Variants in MAFA observed in about 807,000 individuals in gnomAD.
MAFA encodes MAF bZIP transcription factor A.
For synonymous variants in MAFA, 244 were observed against 260.3 expected (o/e 0.94, Z 0.60); for missense variants, 547 against 538.0 (o/e 1.02, Z -0.16).
chr8:143,429,636 C>A lies in MAFA; in HGVS notation c.771G>T (p.Gln257His), dbSNP rs1367121391. ...FSKEEVIRLKQKRRTLKNRGY... is the reference protein window; with the variant it reads ...FSKEEVIRLKHKRRTLKNRGY... ...CGCGGTTCTTGAGCGTGCGCCGCTT[C>A]TGCTTGAGCCGGATGACCTCCTCCT... Residue 257 changes from glutamine (Q) to histidine (H), a missense_variant, in exon 1 of 1, where the codon CAG (glutamine) becomes CAT (histidine). Physicochemically the swap from Gln to His is conservative, Grantham distance 24. Coordinates refer to ENST00000333480, the MANE Select transcript of MAFA (RefSeq NM_201589.4). This position sits in a 1 kb window ranked among gnomAD's most constrained non-coding sequence, Gnocchi z 5.9. The A allele has an allele frequency of 6.3e-7, 1 of 1,590,534 alleles. No homozygotes were observed. The highest frequency in any genetic ancestry group is 8.5e-7 in the Non-Finnish European group (1 of 1,174,946).
In MAFA at chr8:143,428,975, C is replaced by T; in HGVS notation, c.*370G>A. On this transcript the variant is annotated 3_prime_UTR_variant, in exon 1 of 1. Coordinates refer to ENST00000333480, the MANE Select transcript of MAFA (RefSeq NM_201589.4). ...AGAAGAGAACGAAGGAGGGCGGGGGCAGGCAGGGGCCACCCGGGAAGGGAC... is the reference window on the plus strand; with the variant it reads ...AGAAGAGAACGAAGGAGGGCGGGGGTAGGCAGGGGCCACCCGGGAAGGGAC... The T allele has an allele frequency of 5.6e-6, 1 of 178,084 alleles. No homozygotes were observed. Among genetic ancestry groups the T allele is most frequent in the Non-Finnish European group, 1.2e-5 (1 of 85,460 alleles). The allele number at this position is 178,084 out of a possible 1,614,324, so 11.0% of individuals were successfully genotyped here.
rs1158783467 is a variant in MAFA at position 143,429,549 on chromosome 8, C to T, written c.858G>A (p.Lys286=). 1 of 1,605,150 alleles carries T rather than the reference C, an allele frequency of 6.2e-7. No individual in the cohort carries two copies. Among genetic ancestry groups the T allele is most frequent in the Admixed American group, 1.7e-5 (1 of 59,942 alleles). ...GCTCCACCTGGCTCTGGAGTTGGCA[C>T]TTCTCGCTCTCCAGAATGTGCCGCT... ...VQQRHILESE[K]CQLQSQVEQL... The change falls in exon 1 of 1, where the codon AAG becomes AAA. Residue 286 remains lysine, a synonymous_variant. Transcript: ENST00000333480. This position sits in a 1 kb window ranked among gnomAD's most constrained non-coding sequence, Gnocchi z 5.9.
chr8:143,429,603 C>A lies in MAFA; in HGVS notation c.804G>T (p.Ala268=), dbSNP rs890211062. The A allele has an allele frequency of 2.4e-5, 38 of 1,599,912 alleles. No homozygotes were observed. The highest frequency in any genetic ancestry group is 3.1e-5 in the Non-Finnish European group (36 of 1,178,464). Residue 268 remains alanine, a synonymous_variant, in exon 1 of 1, where the codon GCG becomes GCT. Transcript: ENST00000333480. The surrounding 1 kb of genome is among the most constrained non-coding windows in gnomAD (Gnocchi z 5.9). ...GCACCCGCTTGAAGCGGCAGGACTG[C>A]GCGTAGCCGCGGTTCTTGAGCGTGC... is the stretch of plus-strand genomic sequence containing the variant. ...KRRTLKNRGY[A]QSCRFKRVQQ... is the part of the protein sequence containing the mutation.
rs2129754827 is a variant in MAFA, at chr8:143,429,535, C to A, written c.872G>T (p.Ser291Ile). The A allele has an allele frequency of 1.9e-6, 3 of 1,605,730 alleles. No individual in the cohort carries two copies. Among genetic ancestry groups the A allele is most frequent in the East Asian group, 2.2e-5 (1 of 44,748 alleles). The part of the protein sequence containing the change: ...ILESEKCQLQ[S>I]QVEQLKLEVG... Reference sequence around the variant, plus strand: ...CTCCAGCTTCAGCTGCTCCACCTGGCTCTGGAGTTGGCACTTCTCGCTCTC... The same window carrying A: ...CTCCAGCTTCAGCTGCTCCACCTGGATCTGGAGTTGGCACTTCTCGCTCTC... The change falls in exon 1 of 1, where the codon AGC (serine) becomes ATC (isoleucine). Residue 291 changes from serine (S) to isoleucine (I), a missense_variant. Physicochemically the swap from Ser to Ile is moderately radical, Grantham distance 142. Transcript: ENST00000333480. The surrounding 1 kb of genome is among the most constrained non-coding windows in gnomAD (Gnocchi z 5.9).
At position 143,428,197 on chromosome 8, in the gene MAFA, T is replaced by G. The variant is rs772342810; in HGVS notation, c.*1148A>C. The G allele has an allele frequency of 1.3e-5, 2 of 152,186 alleles. No homozygotes were observed. Among genetic ancestry groups the G allele is most frequent in the East Asian group, 1.9e-4 (1 of 5,188 alleles). The allele number at this position is 152,186 out of a possible 1,614,324, so 9.4% of individuals were successfully genotyped here. On this transcript the variant is annotated 3_prime_UTR_variant, in exon 1 of 1. Transcript: ENST00000333480. The stretch of plus-strand genomic sequence containing the variant: ...TCGGCGCGCCTTCCACTCCGAGTGC[T>G]CAGGGGAGGGGTGTGGAGCGGCTGG...
rs1819495831 is a variant in MAFA, at chr8:143,429,383, G to A, written c.1024C>T (p.Pro342Ser). ...PREPSPPQAGPGGAKGTADFF... is the reference protein window; with the variant it reads ...PREPSPPQAGSGGAKGTADFF... ...TCGGCCGTGCCCTTGGCCCCGCCGG[G>A]ACCGGCCTGCGGCGGCGAAGGCTCC... Residue 342 changes from proline to serine, a missense_variant, in exon 1 of 1, where the codon CCC becomes TCC. Transcript: ENST00000333480. The surrounding 1 kb of genome is among the most constrained non-coding windows in gnomAD (Gnocchi z 5.9). The A allele has an allele frequency of 7.0e-7, 1 of 1,433,276 alleles. No homozygotes were observed. The highest frequency in any genetic ancestry group is 9.1e-7 in the Non-Finnish European group (1 of 1,104,284). The allele number at this position is 1,433,276 out of a possible 1,614,324, so 88.8% of individuals were successfully genotyped here.
chr8:143,428,081 TA>T lies in MAFA; in HGVS notation c.*1263del, dbSNP rs2129751121. 6.6e-6 allele frequency: 1 copy of T among 152,382 alleles called. No homozygotes were observed. The highest frequency in any genetic ancestry group is 2.4e-5 in the African/African-American group (1 of 41,596). 9.4% of individuals were successfully genotyped at this position (152,382 alleles called of 1,614,324 possible). ...GCGGTGACTTGGATCTGAACAGATT[TA>T]TTTTGTGTATTTTTTTCTTTTTCTC... On this transcript the variant is annotated 3_prime_UTR_variant, in exon 1 of 1. Transcript: ENST00000333480.
In MAFA at chr8:143,429,675, G is replaced by A. The variant is rs747608736; in HGVS notation, c.732C>T (p.Leu244=). 7 of 1,577,356 alleles carry A rather than the reference G, an allele frequency of 4.4e-6. No homozygotes were observed. In the South Asian group the frequency reaches 5.7e-5, roughly 13 times the overall value. ...SMSVRELNRQ[L]RGFSKEEVIR... ...TGACCTCCTCCTTGCTGAAGCCGCGGAGCTGCCGGTTCAGCTCGCGCACCG... is the reference window on the plus strand; with the variant it reads ...TGACCTCCTCCTTGCTGAAGCCGCGAAGCTGCCGGTTCAGCTCGCGCACCG... Residue 244 remains leucine (L), a synonymous_variant, in exon 1 of 1, where the codon CTC becomes CTT. Coordinates refer to ENST00000333480, the MANE Select transcript of MAFA (RefSeq NM_201589.4). This position sits in a 1 kb window ranked among gnomAD's most constrained non-coding sequence, Gnocchi z 5.9.
In MAFA at chr8:143,430,657, GGCC is replaced by G. The variant is rs1819528090; in HGVS notation, c.-254_-252del. On this transcript the variant is annotated 5_prime_UTR_variant, in exon 1 of 1. Coordinates refer to ENST00000333480, the MANE Select transcript of MAFA (RefSeq NM_201589.4). ...GCCCGCGTCGCCGCCTCCTCCCCGC[GGCC>G]GCCGCCTCGGGCTGCTCCGGGACCG... is the stretch of plus-strand genomic sequence containing the variant. 6.8e-6 allele frequency among the ~76,000 whole-genome samples: 1 copy of G among 146,310 alleles called. No individual in the cohort carries two copies.
Position 143,429,630 on chromosome 8 carries a change from C to T in MAFA, c.777G>A (p.Arg259=), listed in dbSNP as rs765369888. 3.8e-6 allele frequency: 6 copies of T among 1,592,480 alleles called. No homozygotes were observed. In the South Asian group the frequency reaches 6.7e-5, roughly 18 times the overall value. Residue 259 remains arginine (R), a synonymous_variant, in exon 1 of 1, where the codon CGG becomes CGA. Transcript: ENST00000333480. The surrounding 1 kb of genome is among the most constrained non-coding windows in gnomAD (Gnocchi z 5.9). ...KEEVIRLKQK[R]RTLKNRGYAQ... is the part of the protein sequence containing the mutation. ...CGTAGCCGCGGTTCTTGAGCGTGCG[C>T]CGCTTCTGCTTGAGCCGGATGACCT...
chr8:143,428,233 A>C lies in MAFA; in HGVS notation c.*1112T>G, dbSNP rs1041850595. 12 of 152,108 alleles carry C rather than the reference A, an allele frequency of 7.9e-5. No individual in the cohort carries two copies. The highest frequency in any genetic ancestry group is 2.7e-4 in the African/African-American group (11 of 41,420). 9.4% of individuals were successfully genotyped at this position (152,108 alleles called of 1,614,324 possible). A position where few individuals can be genotyped will look rare whatever the true frequency, so the allele number is the denominator to read the frequency against. On this transcript the variant is annotated 3_prime_UTR_variant, in exon 1 of 1. Coordinates refer to ENST00000333480, the MANE Select transcript of MAFA (RefSeq NM_201589.4). ...GTGTGGAGCGGCTGGAATCCCACTG[A>C]TGGCCCCTGAGGGCCTCCGAAAACG...
Position 143,429,980 on chromosome 8 carries a change from T to A in MAFA, c.427A>T (p.Ile143Phe), listed in dbSNP as rs749766765. The change falls in exon 1 of 1, where the codon ATC (isoleucine) becomes TTC (phenylalanine). Residue 143 changes from isoleucine to phenylalanine, a missense_variant. Ile to Phe is a conservative substitution (Grantham distance 21, BLOSUM62 0). Coordinates refer to ENST00000333480, the MANE Select transcript of MAFA (RefSeq NM_201589.4). The surrounding 1 kb of genome is among the most constrained non-coding windows in gnomAD (Gnocchi z 5.9). ...LTPEDAVEALIGSGHHGAHHG... is the reference protein window; with the variant it reads ...LTPEDAVEALFGSGHHGAHHG... Reference sequence around the variant, plus strand: ...TGCGCGCCGTGGTGGCCGCTGCCGATGAGCGCCTCCACCGCGTCCTCGGGC... The same window carrying A: ...TGCGCGCCGTGGTGGCCGCTGCCGAAGAGCGCCTCCACCGCGTCCTCGGGC... The A allele has an allele frequency of 7.6e-7, 1 of 1,312,526 alleles. No homozygotes were observed. Among genetic ancestry groups the A allele is most frequent in the Non-Finnish European group, 9.7e-7 (1 of 1,026,692 alleles). 81.3% of individuals were successfully genotyped at this position (1,312,526 alleles called of 1,614,324 possible).
Position 143,430,047 on chromosome 8 carries a change from G to C in MAFA, c.360C>G (p.Ser120Arg). Residue 120 changes from serine to arginine, a missense_variant, in exon 1 of 1, where the codon AGC (serine) becomes AGG (arginine). Ser to Arg is a moderately radical substitution (Grantham distance 110). Coordinates refer to ENST00000333480, the MANE Select transcript of MAFA (RefSeq NM_201589.4). ...CGGGGTTGAGGTGATGCTGGTAGCC[G>C]CTCATCCAGTACAGATCCTCCAGCG... ...KPALEDLYWM[S>R]GYQHHLNPEA... 2 of 1,359,248 alleles carry C rather than the reference G, an allele frequency of 1.5e-6. No homozygotes were observed. Among genetic ancestry groups the C allele is most frequent in the Non-Finnish European group, 1.9e-6 (2 of 1,045,252 alleles). The allele number at this position is 1,359,248 out of a possible 1,614,324, so 84.2% of individuals were successfully genotyped here. A position where few individuals can be genotyped will look rare whatever the true frequency, so the allele number is the denominator to read the frequency against.
chr8:143,430,412 G>A lies in MAFA; in HGVS notation c.-6C>T, dbSNP rs1198546825. Reference sequence around the variant, plus strand: ...ATCGCCAGCTCCGCGGCCATCGCCCGGGGCCCGCGCCCGGCCGCGCCCCGA... The same window carrying A: ...ATCGCCAGCTCCGCGGCCATCGCCCAGGGCCCGCGCCCGGCCGCGCCCCGA... On this transcript the variant is annotated 5_prime_UTR_variant, in exon 1 of 1. Coordinates refer to ENST00000333480, the MANE Select transcript of MAFA (RefSeq NM_201589.4). 4.0e-6 allele frequency: 5 copies of A among 1,257,660 alleles called. No homozygotes were observed. Among genetic ancestry groups the A allele is most frequent in the African/African-American group, 1.7e-5 (1 of 60,228 alleles). The allele number at this position is 1,257,660 out of a possible 1,614,324, so 77.9% of individuals were successfully genotyped here.
Position 143,429,279 on chromosome 8 carries a change from C to A in MAFA, c.*66G>T. On this transcript the variant is annotated 3_prime_UTR_variant, in exon 1 of 1. Coordinates refer to ENST00000333480, the MANE Select transcript of MAFA (RefSeq NM_201589.4). This position sits in a 1 kb window ranked among gnomAD's most constrained non-coding sequence, Gnocchi z 5.9. Reference sequence around the variant, plus strand: ...ACGTCCTGTACCGCGGAGTCCGAGCCGAGGCCCCGAGAGGCCTGCGCGAAC... The same window carrying A: ...ACGTCCTGTACCGCGGAGTCCGAGCAGAGGCCCCGAGAGGCCTGCGCGAAC... The A allele has an allele frequency of 7.8e-7, 1 of 1,284,966 alleles. No homozygotes were observed. Among genetic ancestry groups the A allele is most frequent in the Non-Finnish European group, 9.8e-7 (1 of 1,024,350 alleles). 79.6% of individuals were successfully genotyped at this position (1,284,966 alleles called of 1,614,324 possible).
rs1819516852 is a variant in MAFA at position 143,430,064 on chromosome 8, C to T, written c.343G>A (p.Asp115Asn). 7.9e-7 allele frequency: 1 copy of T among 1,263,926 alleles called. No homozygotes were observed. Among genetic ancestry groups the T allele is most frequent in the Non-Finnish European group, 1.0e-6 (1 of 994,924 alleles). 78.3% of individuals were successfully genotyped at this position (1,263,926 alleles called of 1,614,324 possible). The stretch of plus-strand genomic sequence containing the variant: ...TGGTAGCCGCTCATCCAGTACAGAT[C>T]CTCCAGCGCCGGCTTCCCCGAGGTG... ...GGTSGKPALE[D>N]LYWMSGYQHH... Residue 115 changes from aspartate to asparagine, a missense_variant, in exon 1 of 1, where the codon GAT becomes AAT. Physicochemically the swap from Asp to Asn is conservative, Grantham distance 23. Coordinates refer to ENST00000333480, the MANE Select transcript of MAFA (RefSeq NM_201589.4).
Position 143,430,389 on chromosome 8 carries a change from C to G in MAFA, c.18G>C (p.Ala6=). 3 of 1,374,224 alleles carry G rather than the reference C, an allele frequency of 2.2e-6. No homozygotes were observed. The highest frequency in any genetic ancestry group is 2.9e-6 in the Non-Finnish European group (3 of 1,047,428). 85.1% of individuals were successfully genotyped at this position (1,374,224 alleles called of 1,614,324 possible). Residue 6 remains alanine (A), a synonymous_variant, in exon 1 of 1, where the codon GCG becomes GCC. Transcript: ENST00000333480. MAAEL[A]MGAELPSSPL... ...GGCTGCTGGGCAGCTCGGCGCCCAT[C>G]GCCAGCTCCGCGGCCATCGCCCGGG...
chr8:143,430,473 T>A lies in MAFA; in HGVS notation c.-67A>T. The A allele has an allele frequency of 2.0e-6, 1 of 494,048 alleles. No individual in the cohort carries two copies. The highest frequency in any genetic ancestry group is 2.7e-6 in the Non-Finnish European group (1 of 377,036). The allele number at this position is 494,048 out of a possible 1,614,324, so 30.6% of individuals were successfully genotyped here. ...GGGAGTGGGGGGGGAGCTGCAGGCC[T>A]CTCCCCCCCCTGCTCCCCGCGGGCG... On this transcript the variant is annotated 5_prime_UTR_variant, in exon 1 of 1. Coordinates refer to ENST00000333480, the MANE Select transcript of MAFA (RefSeq NM_201589.4).
Position 143,428,343 on chromosome 8 carries a change from G to A in MAFA, c.*1002C>T, listed in dbSNP as rs557608511. 1.3e-5 allele frequency: 2 copies of A among 152,262 alleles called. No homozygotes were observed. The highest frequency in any genetic ancestry group is 2.9e-5 in the Non-Finnish European group (2 of 68,030). The allele number at this position is 152,262 out of a possible 1,614,324, so 9.4% of individuals were successfully genotyped here. A position where few individuals can be genotyped will look rare whatever the true frequency, so the allele number is the denominator to read the frequency against. On this transcript the variant is annotated 3_prime_UTR_variant, in exon 1 of 1. Transcript: ENST00000333480. ...CTCTCTCCCGGCTAGTCCAAAGAGCGACGAAGCATTAAAGAAAGATTCCAC... is the reference window on the plus strand; with the variant it reads ...CTCTCTCCCGGCTAGTCCAAAGAGCAACGAAGCATTAAAGAAAGATTCCAC...
Sources: allele counts gnomAD v4.1 joint callset (sites outside exome capture counted in the v4.1 genomes callset), GRCh38; gene constraint gnomAD v4.1.1; non-coding constraint Gnocchi (gnomAD v3.1); transcripts MANE v1.5; gene names NCBI Gene and HGNC (gene_info 2026-07-23, HGNC 2026-07-21).